NIPAL3: variants seen among roughly 807,000 people sequenced by gnomAD.
The protein encoded by NIPAL3 is NIPA-like protein 3.
A neutral mutation model predicts 47.2 loss-of-function variants in NIPAL3; 41 were observed. That is an observed-to-expected ratio of 0.87 (90% confidence interval 0.68 to 1.13). NIPAL3 has a LOEUF of 1.13. Ranked by LOEUF, NIPAL3 falls within the 50% of genes most tolerant of loss-of-function variation. The pLI is 0.00. For missense variants in NIPAL3, 449 were observed against 530.1 expected (o/e 0.85, Z 1.50); for synonymous variants, 194 against 209.6 (o/e 0.93, Z 0.64).
intron 2 of NIPAL3, among the ~76,000 whole-genome samples, chr1:24,422,811 C>T (rs1644393494): frequency 6.6e-6 from 1 of 152,228 alleles, no homozygotes; most frequent in African/African-American, 2.4e-5. Flanking sequence ...TGTCCACGTG[C>T]TTCACAGAGC....
In NIPAL3 at chr1:24,453,516, T is replaced by TTATTA. The variant is rs754848275; in HGVS notation, c.637+12_637+13insTATTA. The TTATTA allele has an allele frequency of 5.0e-6, 8 of 1,605,808 alleles. No homozygotes were observed. The highest frequency in any genetic ancestry group is 1.3e-5 in the African/African-American group (1 of 74,672). ...GGTGGCGTTACTTGGTAAGTTGGCA[T>TTATTA]CTGGATGATTGAGTTTTGCCACCAC... On this transcript the variant is annotated intron_variant, in intron 7 of 11. Transcript: ENST00000374399.
chr1:24,445,117 A>C, intron 4 of NIPAL3, 68 bp from the exon 5 acceptor site: 6 of 1,073,188 alleles, frequency 5.6e-6, no homozygotes, highest in Non-Finnish European at 8.7e-6. Context: ...CCCAGAGGGC[A>C]TGGGTGAAGG....
In NIPAL3 at chr1:24,449,008, C is replaced by T. The variant is rs1414663600; in HGVS notation, c.395-473C>T. Among the ~76,000 whole-genome samples the T allele has an allele frequency of 2.0e-5, 3 of 152,192 alleles. No homozygotes were observed. The East Asian group carries it at 5.8e-4, about 29-fold the overall frequency. On this transcript the variant is annotated intron_variant, in intron 5 of 11. Coordinates refer to ENST00000374399, the MANE Select transcript of NIPAL3 (RefSeq NM_020448.5). The surrounding 1 kb of genome is among the most constrained non-coding windows in gnomAD (Gnocchi z 4.5). ...CTGCCACTGTGCCCCACAACGCAGA[C>T]GAATCTCAGAAACATCATGCTGAGT...
intron 2 of NIPAL3, among the ~76,000 whole-genome samples, chr1:24,436,852 A>T (rs1229771872): frequency 7.9e-5 from 12 of 152,128 alleles, no homozygotes. Context: ...TAGCAGGAAG[A>T]ATAGGGAAAA....
chr1:24,422,091 G>C (rs1225346784), intron 2 of NIPAL3: 1 of 152,170 alleles, frequency 6.6e-6, no homozygotes, highest in Non-Finnish European at 1.5e-5. Flanking sequence ...ACATTTGTCT[G>C]GAATTAGACT....
At chr1:24,440,440 G>T (rs1645325586) in intron 3 of NIPAL3, among the ~76,000 whole-genome samples, 200 bp downstream of exon 3, 1 of 152,122 alleles carries the variant, frequency 6.6e-6, no homozygotes, top group South Asian at 2.1e-4. Context: ...CGCCCTCCTA[G>T]CCAGGTCCTC....
intron 1 of NIPAL3, among the ~76,000 whole-genome samples, chr1:24,417,631 C>G (rs1644121802): frequency 6.6e-6 from 1 of 152,220 alleles, no homozygotes; most frequent in South Asian, 2.1e-4. Context: ...ATAACCTCGT[C>G]TGCAGGTAGT....
intron 5 of NIPAL3, among the ~76,000 whole-genome samples, chr1:24,447,727 A>C (rs989179013): frequency 1.3e-5 from 2 of 152,184 alleles, no homozygotes; most frequent in African/African-American, 4.8e-5. Flanking sequence ...ACTCTAGGTA[A>C]TCCTAGGATG....
chr1:24,425,510 C>T (rs1014807406), intron 2 of NIPAL3, among the ~76,000 whole-genome samples: 16 of 152,012 alleles, frequency 1.1e-4, no homozygotes, highest in Admixed American at 8.5e-4. Context: ...AAGTGTTTAC[C>T]CCTCAAGACA....
chr1:24,440,157 G>T lies in NIPAL3; in HGVS notation c.94-15G>T. The T allele has an allele frequency of 6.4e-7, 1 of 1,570,346 alleles. No homozygotes were observed. The highest frequency in any genetic ancestry group is 1.2e-5 in the South Asian group (1 of 83,866). Reference sequence around the variant, plus strand: ...GTGCCCAAATCATGTCCACTCCTGTGAACTTTCCTTACAGGAAAACCTGAT... The same window carrying T: ...GTGCCCAAATCATGTCCACTCCTGTTAACTTTCCTTACAGGAAAACCTGAT... On this transcript the variant is annotated splice_polypyrimidine_tract_variant and intron_variant, in intron 2 of 11. Transcript: ENST00000374399.
At chr1:24,438,399 G>A (rs1645223734) in intron 2 of NIPAL3, among the ~76,000 whole-genome samples, 1 of 152,332 alleles carries the variant, frequency 6.6e-6, no homozygotes, top group Non-Finnish European at 1.5e-5. Context: ...GAGCCTTGTT[G>A]GGAGAGAAGT....
chr1:24,465,954 C>G (rs752480926), intron 11 of NIPAL3: 4 of 1,566,034 alleles, frequency 2.6e-6, no homozygotes, highest in Non-Finnish European at 3.5e-6. Context: ...GCTTTTCCAG[C>G]CACTTGGTTT....
At chr1:24,441,261 T>C (rs1483560750) in intron 3 of NIPAL3, among the ~76,000 whole-genome samples, 2 of 152,172 alleles carry the variant, frequency 1.3e-5, no homozygotes, top group Non-Finnish European at 2.9e-5. Context: ...GCATCTCAGC[T>C]CTGGGATGTG....
At chr1:24,431,427 C>G (rs145184800) in intron 2 of NIPAL3, among the ~76,000 whole-genome samples, 27 of 152,240 alleles carry the variant, frequency 1.8e-4, no homozygotes, top group African/African-American at 6.5e-4. Flanking sequence ...TGATCAAGTC[C>G]CCTAAGACTG....
rs199629880 is a variant in NIPAL3, at chr1:24,449,645, C to T, written c.540+19C>T. On this transcript the variant is annotated intron_variant, in intron 6 of 11. Transcript: ENST00000374399. This position sits in a 1 kb window ranked among gnomAD's most constrained non-coding sequence, Gnocchi z 4.5. ...GTACATGGTAAGAGAAGCCTCCAGT[C>T]GTTCCCCCTGAGATGGCAGGAGGGA... 1.0e-5 allele frequency: 16 copies of T among 1,607,790 alleles called. No homozygotes were observed. Among genetic ancestry groups the T allele is most frequent in the Non-Finnish European group, 1.4e-5 (16 of 1,177,196 alleles).
Position 24,444,703 on chromosome 1 carries a change from T to C in NIPAL3, c.335-482T>C, listed in dbSNP as rs183602793. Among the ~76,000 whole-genome samples the C allele has an allele frequency of 3.7e-3, 558 of 152,126 alleles. 11 individuals are homozygous for C. The highest frequency in any genetic ancestry group is 8.4e-4 in the Non-Finnish European group (57 of 68,002). On this transcript the variant is annotated intron_variant, in intron 4 of 11. Coordinates refer to ENST00000374399, the MANE Select transcript of NIPAL3 (RefSeq NM_020448.5). ...GGGCGTTTGAGTACATCTGTGAACGTGTAAGAGCCAGGGAGAGGAAAGAGC... is the reference window on the plus strand; with the variant it reads ...GGGCGTTTGAGTACATCTGTGAACGCGTAAGAGCCAGGGAGAGGAAAGAGC...
chr1:24,449,274 A>G lies in NIPAL3; in HGVS notation c.395-207A>G, dbSNP rs1005001656. 5.9e-5 allele frequency among the ~76,000 whole-genome samples: 9 copies of G among 152,256 alleles called. No homozygotes were observed. Among genetic ancestry groups the G allele is most frequent in the African/African-American group, 2.2e-4 (9 of 41,466 alleles). On this transcript the variant is annotated intron_variant, in intron 5 of 11. Transcript: ENST00000374399. The surrounding 1 kb of genome is among the most constrained non-coding windows in gnomAD (Gnocchi z 4.5). ...TTTTGTATGCATGTTATACTTCATT[A>G]AAGTTTTTTATTTTTTTACATTAAT...
chr1:24,445,471 AC>A (rs1342281779), intron 5 of NIPAL3, among the ~76,000 whole-genome samples: 1 of 152,088 alleles, frequency 6.6e-6, no homozygotes, highest in Non-Finnish European at 1.5e-5. Context: ...ACTTTTATCC[AC>A]CCCATTGGAT....
Position 24,445,199 on chromosome 1 carries a change from G to T in NIPAL3, c.349G>T (p.Gly117Ter). 6.2e-7 allele frequency: 1 copy of T among 1,611,708 alleles called. No homozygotes were observed. The highest frequency in any genetic ancestry group is 1.3e-5 in the African/African-American group (1 of 74,996). ...AVSVIASAII[G>*]IIFIKEKWKP... The stretch of plus-strand genomic sequence containing the variant: ...TCATTTTTCAGCTAGTGCCATCATA[G>T]GAATCATATTCATCAAGGAAAAGTG... The change falls in exon 5 of 12, where the codon GGA becomes TGA. Residue 117 changes from glycine to a stop codon, truncating the protein, a stop_gained. Coordinates refer to ENST00000374399, the MANE Select transcript of NIPAL3 (RefSeq NM_020448.5). LOFTEE classifies it high-confidence loss of function.
Sources: allele counts gnomAD v4.1 joint callset (sites outside exome capture counted in the v4.1 genomes callset), GRCh38; gene constraint gnomAD v4.1.1; non-coding constraint Gnocchi (gnomAD v3.1); transcripts MANE v1.5; gene names NCBI Gene and HGNC (gene_info 2026-07-23, HGNC 2026-07-21).